Variants in GTPBP2 observed in about 807,000 individuals in gnomAD.
The protein encoded by GTPBP2 is GTP binding protein 2.
GTPBP2 carries 32 observed loss-of-function variants against 63.0 expected under a neutral mutation model. The ratio of observed to expected loss-of-function variants is 0.51; its 90% CI spans 0.38 to 0.68. The LOEUF (loss-of-function observed/expected upper bound fraction) is 0.68. Ranked by LOEUF, GTPBP2 falls within the 30% of genes least tolerant of loss-of-function variation. The probability of loss-of-function intolerance (pLI) is 0.00; values close to 1 mark genes in which losing one functional copy is unlikely to be tolerated. For synonymous variants in GTPBP2, 310 were observed against 322.6 expected (o/e 0.96, Z 0.42); for missense variants, 492 against 796.9 (o/e 0.62, Z 4.61).
In GTPBP2 at chr6:43,622,355, T is replaced by G. The variant is rs1326953893; in HGVS notation, c.1468-188A>C. ...GAGTCTTTACCCACCTCCTACGTCC[T>G]CTAGCCCATCTAACGCTTCACATTT... On this transcript the variant is annotated intron_variant, in intron 10 of 11. Coordinates refer to ENST00000307126, the MANE Select transcript of GTPBP2 (RefSeq NM_019096.5). This position sits in a 1 kb window ranked among gnomAD's most constrained non-coding sequence, Gnocchi z 5.4. Among the ~76,000 whole-genome samples the G allele has an allele frequency of 6.6e-6, 1 of 152,176 alleles. No individual in the cohort carries two copies. The highest frequency in any genetic ancestry group is 2.4e-5 in the African/African-American group (1 of 41,434).
chr6:43,623,177 G>A lies in GTPBP2; in HGVS notation c.1296-373C>T, dbSNP rs2127836044. On this transcript the variant is annotated intron_variant, in intron 9 of 11. Coordinates refer to ENST00000307126, the MANE Select transcript of GTPBP2 (RefSeq NM_019096.5). ...AGGCTGAGGCAGGTGGATCACTTGA[G>A]GTCAGGAATTCAAGACCAGCCTGGC... 3 of 201,682 alleles carry A rather than the reference G, an allele frequency of 1.5e-5. No individual in the cohort carries two copies. The South Asian group carries it at 3.2e-4, about 22-fold the overall frequency. The allele number at this position is 201,682 out of a possible 1,614,324, so 12.5% of individuals were successfully genotyped here. A position where few individuals can be genotyped will look rare whatever the true frequency, so the allele number is the denominator to read the frequency against.
chr6:43,626,881 A>C lies in GTPBP2; in HGVS notation c.213+41T>G, dbSNP rs778100592. 3.3e-6 allele frequency: 5 copies of C among 1,496,228 alleles called. No homozygotes were observed. The highest frequency in any genetic ancestry group is 2.0e-5 in the Admixed American group (1 of 49,274). The allele number at this position is 1,496,228 out of a possible 1,614,324, so 92.7% of individuals were successfully genotyped here. The stretch of plus-strand genomic sequence containing the variant: ...GAAATTATCCCACACTGGCAAGGAC[A>C]ACCTACCCCAGCCCCTGCTTTTCCC... On this transcript the variant is annotated intron_variant, in intron 2 of 11. Transcript: ENST00000307126. This position sits in a 1 kb window ranked among gnomAD's most constrained non-coding sequence, Gnocchi z 4.0.
At chr6:43,630,908 C>CAAAAAAAAAAA (rs753239311), upstream of GTPBP2, among the ~76,000 whole-genome samples, 11 of 53,540 alleles carry the variant, frequency 2.1e-4, no homozygotes, top group Non-Finnish European at 2.7e-4. Context: ...GACTTCGTCT[C>CAAAAAAAAAAA]AAAAAAAAAA....
At chr6:43,628,528 C>A (rs907530614) in intron 1 of GTPBP2, 18 of 967,174 alleles carry the variant, frequency 1.9e-5, no homozygotes, top group Non-Finnish European at 2.2e-5. Context: ...GCTCTTTTCC[C>A]GAGTACTGTG....
upstream of GTPBP2, chr6:43,629,901 T>C (rs1769790121): frequency 8.4e-7 from 1 of 1,190,118 alleles, no homozygotes; most frequent in Non-Finnish European, 1.1e-6. Flanking sequence ...GTCCAGGGGC[T>C]GGTTTTAATA....
Position 43,624,450 on chromosome 6 carries a change from G to A in GTPBP2, c.1100+60C>T. On this transcript the variant is annotated intron_variant, in intron 7 of 11. Transcript: ENST00000307126. This position sits in a 1 kb window ranked among gnomAD's most constrained non-coding sequence, Gnocchi z 5.1. ...GAGAAGTAGGATATCATGCTTCTGG[G>A]CCCTGGGCTCTGTGGCAGCCTTCCT... 1 of 1,235,762 alleles carries A rather than the reference G, an allele frequency of 8.1e-7. No individual in the cohort carries two copies. The highest frequency in any genetic ancestry group is 1.2e-5 in the South Asian group (1 of 83,004). The allele number at this position is 1,235,762 out of a possible 1,614,324, so 76.5% of individuals were successfully genotyped here. A position where few individuals can be genotyped will look rare whatever the true frequency, so the allele number is the denominator to read the frequency against.
rs1769239003 is a variant in GTPBP2, at chr6:43,625,600, A to G, written c.508-40T>C. On this transcript the variant is annotated intron_variant, in intron 4 of 11. Coordinates refer to ENST00000307126, the MANE Select transcript of GTPBP2 (RefSeq NM_019096.5). The surrounding 1 kb of genome is among the most constrained non-coding windows in gnomAD (Gnocchi z 5.1). ...CCAGAGATAAGAACTCCAATCTCTC[A>G]CCCCTCTAACTGAAGACTGGGTCAA... is the stretch of plus-strand genomic sequence containing the variant. 4 of 1,523,596 alleles carry G rather than the reference A, an allele frequency of 2.6e-6. No individual in the cohort carries two copies. The South Asian group carries it at 3.4e-5, about 13-fold the overall frequency. The allele number at this position is 1,523,596 out of a possible 1,614,324, so 94.4% of individuals were successfully genotyped here.
chr6:43,621,919 G>T (rs774579413), intron 11 of GTPBP2, 84 bp downstream of exon 11: 4 of 1,598,194 alleles, frequency 2.5e-6, no homozygotes, highest in Non-Finnish European at 3.4e-6. Context: ...TTCCCATTGT[G>T]GGATCAAGGA....
Position 43,622,721 on chromosome 6 carries a change from T to C in GTPBP2, c.1379A>G (p.Gln460Arg). Residue 460 changes from glutamine (Q) to arginine (R), a missense_variant, in exon 10 of 12, where the codon CAG (glutamine) becomes CGG (arginine). Physicochemically the swap from Gln to Arg is conservative, Grantham distance 43. This residue lies in a region of GTPBP2 where 400 missense variants were observed against 710.8 expected (regional missense o/e 0.56). Coordinates refer to ENST00000307126, the MANE Select transcript of GTPBP2 (RefSeq NM_019096.5). The surrounding 1 kb of genome is among the most constrained non-coding windows in gnomAD (Gnocchi z 5.4). ...CFLELRVCSI[Q>R]RNRSACRVLR... ...CACACGACAGGCAGAGCGGTTGCGC[T>C]GGATGCTGCATACTCTCAGCTCCAG... The C allele has an allele frequency of 6.2e-7, 1 of 1,614,142 alleles. No homozygotes were observed. The highest frequency in any genetic ancestry group is 8.5e-7 in the Non-Finnish European group (1 of 1,179,976).
upstream of GTPBP2, chr6:43,629,577 C>T (rs189363599): frequency 1.1e-5 from 8 of 709,206 alleles, no homozygotes; most frequent in South Asian, 1.1e-4. Context: ...GGTGGGGACG[C>T]GAGGACACCA....
At chr6:43,629,736 C>T (rs972006023), upstream of GTPBP2, 7 of 1,552,704 alleles carry the variant, frequency 4.5e-6, no homozygotes, top group African/African-American at 6.8e-5. Flanking sequence ...GCCTCTGCCT[C>T]AGTTTCTTCC....
rs1031378318 is a variant in GTPBP2 at position 43,622,486 on chromosome 6, C to G, written c.1467+147G>C. 1 of 756,332 alleles carries G rather than the reference C, an allele frequency of 1.3e-6. No individual in the cohort carries two copies. The highest frequency in any genetic ancestry group is 2.3e-5 in the Admixed American group (1 of 42,656). The allele number at this position is 756,332 out of a possible 1,614,324, so 46.9% of individuals were successfully genotyped here. ...GAGTACGTTAAGCTGTTTTTATAGT[C>G]TACGTAGCTAGACCAGAAGCTTCTT... On this transcript the variant is annotated intron_variant, in intron 10 of 11. Coordinates refer to ENST00000307126, the MANE Select transcript of GTPBP2 (RefSeq NM_019096.5). The surrounding 1 kb of genome is among the most constrained non-coding windows in gnomAD (Gnocchi z 5.4).
chr6:43,629,295 C>G, upstream of GTPBP2: 2 of 666,526 alleles, frequency 3.0e-6, no homozygotes, highest in Non-Finnish European at 4.6e-6. Context: ...CTACGCCCCC[C>G]ACCTCCCTGG....
chr6:43,630,851 G>C (rs1024128120), upstream of GTPBP2, among the ~76,000 whole-genome samples: 1 of 139,238 alleles, frequency 7.2e-6, no homozygotes, highest in Non-Finnish European at 1.5e-5. Context: ...AGAGGTTATA[G>C]TGAACTGAGA....
At position 43,621,478 on chromosome 6, in the gene GTPBP2, C is replaced by T; in HGVS notation, c.*136G>A. The T allele has an allele frequency of 6.4e-7, 1 of 1,553,412 alleles. No homozygotes were observed. The highest frequency in any genetic ancestry group is 8.7e-7 in the Non-Finnish European group (1 of 1,147,974). On this transcript the variant is annotated 3_prime_UTR_variant, in exon 12 of 12. Coordinates refer to ENST00000307126, the MANE Select transcript of GTPBP2 (RefSeq NM_019096.5). ...GTTTGGCACCTCTCCAGAAAGTTGG[C>T]AGGGAGCAAGTGGCAGACAGCACCC...
chr6:43,623,755 A>G lies in GTPBP2; in HGVS notation c.1277T>C (p.Val426Ala), dbSNP rs1388694668. 1.2e-6 allele frequency: 2 copies of G among 1,613,088 alleles called. No individual in the cohort carries two copies. The highest frequency in any genetic ancestry group is 1.1e-5 in the South Asian group (1 of 91,058). Residue 426 changes from valine (V) to alanine (A), a missense_variant, in exon 9 of 12, where the codon GTT (valine) becomes GCT (alanine). This residue lies in a region of GTPBP2 where 400 missense variants were observed against 710.8 expected (regional missense o/e 0.56). Transcript: ENST00000307126. Reference sequence around the variant, plus strand: ...AATTTACCTGGAAAGTGTTCCTCCAACAACAGTCCCCACCTCTGGTACTGT... The same window carrying G: ...AATTTACCTGGAAAGTGTTCCTCCAGCAACAGTCCCCACCTCTGGTACTGT... ...IYTVPEVGTV[V>A]GGTLSSGICR...
intron 1 of GTPBP2, chr6:43,627,436 G>A: frequency 1.7e-6 from 1 of 603,360 alleles, no homozygotes; most frequent in Non-Finnish European, 2.1e-6. Context: ...GAGCCAAAGG[G>A]TGAGCTCAGC....
At position 43,626,010 on chromosome 6, in the gene GTPBP2, C is replaced by A. The variant is rs1769297964; in HGVS notation, c.399-146G>T. 1.4e-6 allele frequency: 1 copy of A among 738,880 alleles called. No individual in the cohort carries two copies. The allele number at this position is 738,880 out of a possible 1,614,324, so 45.8% of individuals were successfully genotyped here. On this transcript the variant is annotated intron_variant, in intron 3 of 11. Coordinates refer to ENST00000307126, the MANE Select transcript of GTPBP2 (RefSeq NM_019096.5). This position sits in a 1 kb window ranked among gnomAD's most constrained non-coding sequence, Gnocchi z 4.0. ...ACCACCCTCCAATCTATTCCTCATTCACAGTTCCCTTTAAAACAAATATAC... is the reference window on the plus strand; with the variant it reads ...ACCACCCTCCAATCTATTCCTCATTAACAGTTCCCTTTAAAACAAATATAC...
rs781065338 is a variant in GTPBP2, at chr6:43,625,531, C to G, written c.537G>C (p.Gly179=). ...QFLDLRVAVL[G]NVDSGKSTLL... ...GAGTTGACTTCCCAGAGTCCACATT[C>G]CCCAGGACGGCCACACGGAGGTCTA... The change falls in exon 5 of 12, where the codon GGG becomes GGC. Residue 179 remains glycine, a synonymous_variant. Transcript: ENST00000307126. This position sits in a 1 kb window ranked among gnomAD's most constrained non-coding sequence, Gnocchi z 5.1. 1.4e-5 allele frequency: 23 copies of G among 1,613,702 alleles called. No individual in the cohort carries two copies. The highest frequency in any genetic ancestry group is 1.7e-5 in the Non-Finnish European group (20 of 1,179,764).
Sources: allele counts gnomAD v4.1 joint callset (sites outside exome capture counted in the v4.1 genomes callset), GRCh38; gene constraint gnomAD v4.1.1; regional missense constraint gnomAD v4.1.1; non-coding constraint Gnocchi (gnomAD v3.1); transcripts MANE v1.5; gene names NCBI Gene and HGNC (gene_info 2026-07-23, HGNC 2026-07-21).